Variants in ERC1 observed in about 807,000 individuals in gnomAD.
ERC1 encodes RAB6 interacting protein 2.
Under a neutral mutation model 132.0 loss-of-function variants are expected in ERC1, and 56 were observed. The observed-to-expected ratio is 0.42, with a 90% CI of 0.34 to 0.53. The LOEUF (loss-of-function observed/expected upper bound fraction) is 0.53, where lower values mean the gene tolerates loss of function less well. Among genes scored for constraint, ERC1 ranks in the 20% least tolerant of loss-of-function variants. The pLI is 0.03. For synonymous variants in ERC1, 478 were observed against 476.1 expected, an observed-to-expected ratio of 1.00 and a Z score of -0.05; for missense variants, 1,202 against 1,349.9, an observed-to-expected ratio of 0.89 and a Z score of 1.72.
chr12:1,424,841 A>C (rs1046558608), intron 17 of ERC1, among the ~76,000 whole-genome samples: 2 of 104,182 alleles, frequency 1.9e-5, no homozygotes, highest in East Asian at 2.9e-4. Context: ...ATAGATAGAT[A>C]GATGATAGAT....
intron 12 of ERC1, among the ~76,000 whole-genome samples, chr12:1,213,781 A>C (rs1386550711): frequency 6.6e-6 from 1 of 150,718 alleles, no homozygotes; most frequent in Admixed American, 6.6e-5. Context: ...GTGCATGCCT[A>C]TAATCCCAGC....
At chr12:1,082,558 T>C (rs1055908302) in intron 2 of ERC1, among the ~76,000 whole-genome samples, 1 of 150,972 alleles carries the variant, frequency 6.6e-6, no homozygotes, top group Admixed American at 6.6e-5. Flanking sequence ...GAGTGCAGTC[T>C]TGGCTCACTG....
At chr12:1,482,123 T>C (rs527388265) in intron 18 of ERC1, among the ~76,000 whole-genome samples, 197 of 152,276 alleles carry the variant, frequency 1.3e-3, no homozygotes, top group African/African-American at 4.6e-3. Flanking sequence ...GTGATGCCCA[T>C]GTCTGGCCAG....
At chr12:1,458,535 CTT>C (rs767876391) in intron 18 of ERC1, among the ~76,000 whole-genome samples, 21 of 133,774 alleles carry the variant, frequency 1.6e-4, no homozygotes, top group Admixed American at 2.2e-4. Flanking sequence ...TATGTATTTT[CTT>C]TTTTTTTTTT....
intron 1 of ERC1, 87 bp from the exon 2 acceptor site, chr12:1,027,661 A>C (rs1412552894): frequency 1.9e-6 from 1 of 513,904 alleles, no homozygotes; most frequent in African/African-American, 1.9e-5. Context: ...GAAGGGCTAG[A>C]TCTTCTTTAA....
intron 18 of ERC1, among the ~76,000 whole-genome samples, chr12:1,462,246 G>A (rs938293353): frequency 6.6e-6 from 1 of 152,202 alleles, no homozygotes; most frequent in Non-Finnish European, 1.5e-5. Flanking sequence ...TGTGATGAGA[G>A]GGTAAAATGG....
chr12:1,150,856 C>T lies in ERC1; in HGVS notation c.1737+9069C>T, dbSNP rs564324751. Among the ~76,000 whole-genome samples the T allele has an allele frequency of 4.6e-5, 7 of 152,264 alleles. No homozygotes were observed. The East Asian group carries it at 5.8e-4, about 13-fold the overall frequency. Reference sequence around the variant, plus strand: ...GAGCCAAGGAGACATGCCATCCAAACGTAATGACATATCCCAGGCAATATC... The same window carrying T: ...GAGCCAAGGAGACATGCCATCCAAATGTAATGACATATCCCAGGCAATATC... On this transcript the variant is annotated intron_variant, in intron 8 of 18. Transcript: ENST00000360905.
chr12:1,072,880 A>G (rs1940655768), intron 2 of ERC1, among the ~76,000 whole-genome samples: 1 of 152,014 alleles, frequency 6.6e-6, no homozygotes, highest in South Asian at 2.1e-4. Context: ...TTTAGTAGAG[A>G]TGGGGTTTTA....
At position 1,392,440 on chromosome 12, in the gene ERC1, T is replaced by TAC. The variant is rs201991475; in HGVS notation, c.2926-15707_2926-15706dup. ...AATCAGTAGGTTGAATTTTAATGCT[T>TAC]ACATGCAGATAACCGATTTTTTTAA... On this transcript the variant is annotated intron_variant, in intron 16 of 18. Transcript: ENST00000360905. 6.0e-3 allele frequency among the ~76,000 whole-genome samples: 914 copies of TAC among 152,328 alleles called. 3 individuals carry two copies. The highest frequency in any genetic ancestry group is 0.021 in the African/African-American group (853 of 41,574).
rs571635673 is a variant in ERC1, at chr12:1,362,507, G to A, written c.2781-9326G>A. Among the ~76,000 whole-genome samples, 7 of 152,104 alleles carry A rather than the reference G, an allele frequency of 4.6e-5. No homozygotes were observed. The East Asian group carries it at 5.8e-4, about 13-fold the overall frequency. On this transcript the variant is annotated intron_variant, in intron 15 of 18. Transcript: ENST00000360905. ...CTCGAAGAGCTGGAAAAGAGGACTC[G>A]AGGAAAAAATATTCATAGGGTAATT...
intron 17 of ERC1, among the ~76,000 whole-genome samples, chr12:1,438,073 C>A (rs1009468980): frequency 1.1e-4 from 16 of 152,150 alleles, no homozygotes; most frequent in African/African-American, 3.9e-4. Flanking sequence ...GACCTGAACT[C>A]CTAGTGGTAA....
At position 1,440,927 on chromosome 12, in the gene ERC1, T is replaced by C. The variant is rs575100992; in HGVS notation, c.3025-3635T>C. Among the ~76,000 whole-genome samples the C allele has an allele frequency of 2.0e-3, 309 of 152,208 alleles. 4 individuals are homozygous for C. The highest frequency in any genetic ancestry group is 2.6e-3 in the Non-Finnish European group (177 of 68,006). On this transcript the variant is annotated intron_variant, in intron 17 of 18. Coordinates refer to ENST00000360905, the MANE Select transcript of ERC1 (RefSeq NM_178040.4). ...TCCCAAAGTGCTGGAATTACAGGCA[T>C]GAGCCACCACACCTGACCTCAGCCT...
rs2094320725 is a variant in ERC1 at position 1,491,753 on chromosome 12, G to T, written c.*1523G>T. 1 of 231,432 alleles carries T rather than the reference G, an allele frequency of 4.3e-6. No individual in the cohort carries two copies. Among genetic ancestry groups the T allele is most frequent in the Non-Finnish European group, 8.6e-6 (1 of 116,944 alleles). 14.3% of individuals were successfully genotyped at this position (231,432 alleles called of 1,614,324 possible). On this transcript the variant is annotated 3_prime_UTR_variant, in exon 19 of 19. Transcript: ENST00000360905. The stretch of plus-strand genomic sequence containing the variant: ...CGTGGAATTCAGCCAGCTTCATGTT[G>T]CAAATCAGAAAGCTGACCCCAAGAC...
chr12:1,047,038 A>C (rs1488181328), intron 2 of ERC1, among the ~76,000 whole-genome samples: 1 of 152,190 alleles, frequency 6.6e-6, no homozygotes, highest in Non-Finnish European at 1.5e-5. Flanking sequence ...ATGATGCATG[A>C]ACATTTGGTG....
At chr12:1,436,575 A>G (rs956952639) in intron 17 of ERC1, among the ~76,000 whole-genome samples, 4 of 152,176 alleles carry the variant, frequency 2.6e-5, no homozygotes, top group Admixed American at 1.3e-4. Flanking sequence ...CCCCTAGGCA[A>G]CAAGCGTATT....
intron 2 of ERC1, among the ~76,000 whole-genome samples, chr12:1,044,223 T>G (rs1215671099): frequency 6.6e-6 from 1 of 152,216 alleles, no homozygotes; most frequent in Non-Finnish European, 1.5e-5. Flanking sequence ...TTCCTCATCT[T>G]TAAAACCCAT....
intron 13 of ERC1, among the ~76,000 whole-genome samples, chr12:1,249,472 G>T (rs754519852): frequency 6.6e-6 from 1 of 152,124 alleles, no homozygotes; most frequent in Non-Finnish European, 1.5e-5. Flanking sequence ...ACCTTCTGTT[G>T]TAATTTCATT....
chr12:1,345,184 C>CTTATTTTTTTT lies in ERC1; in HGVS notation c.2781-26647_2781-26646insATTTTTTTTTT, dbSNP rs1459899471. On this transcript the variant is annotated intron_variant, in intron 15 of 18. Coordinates refer to ENST00000360905, the MANE Select transcript of ERC1 (RefSeq NM_178040.4). ...TAAAGAGAATTTCAGTAGAATATTT[C>CTTATTTTTTTT]TTCTTTTTTTTTTTGAGACGGAGTC... is the stretch of plus-strand genomic sequence containing the variant. 1.1e-3 allele frequency among the ~76,000 whole-genome samples: 105 copies of CTTATTTTTTTT among 99,636 alleles called. 2 individuals are homozygous for CTTATTTTTTTT. Among genetic ancestry groups the CTTATTTTTTTT allele is most frequent in the African/African-American group, 4.4e-3 (99 of 22,526 alleles). The allele number at this position is 99,636 out of a possible 152,430, so 65.4% of individuals were successfully genotyped here. A position where few individuals can be genotyped will look rare whatever the true frequency, so the allele number is the denominator to read the frequency against.
intron 16 of ERC1, among the ~76,000 whole-genome samples, chr12:1,389,368 G>C (rs2089732594): frequency 6.6e-6 from 1 of 152,178 alleles, no homozygotes; most frequent in Admixed American, 6.5e-5. Flanking sequence ...GGAATAGCTT[G>C]CTTAAGAGAG....
Sources: gnomAD v4.1 joint callset for allele counts (sites outside exome capture counted in the v4.1 genomes callset) on GRCh38, gnomAD v4.1.1 for gene constraint, MANE v1.5 for transcripts, NCBI Gene and HGNC (gene_info 2026-07-23, HGNC 2026-07-21) for gene names.